Variants in EHBP1 observed in about 807,000 individuals in gnomAD.
The protein encoded by EHBP1 is EH domain-binding protein 1.
A neutral mutation model predicts 144.0 loss-of-function variants in EHBP1; 55 were observed. The observed-to-expected ratio is 0.38, with a 90% CI of 0.31 to 0.48. The LOEUF (loss-of-function observed/expected upper bound fraction) is 0.48. Among genes scored for constraint, EHBP1 ranks in the 20% least tolerant of loss-of-function variants. EHBP1 has a pLI of 0.98. For missense variants in EHBP1, 1,200 were observed against 1,364.2 expected (o/e 0.88, Z 1.90); for synonymous variants, 469 against 472.7 (o/e 0.99, Z 0.10).
chr2:63,021,627 A>G (rs940567807), intron 19 of EHBP1, among the ~76,000 whole-genome samples: 3 of 152,204 alleles, frequency 2.0e-5, no homozygotes, highest in Non-Finnish European at 2.9e-5. Flanking sequence ...CCAACATTTC[A>G]TAATTTGTTT....
chr2:62,766,709 A>C (rs1271070180), intron 4 of EHBP1, among the ~76,000 whole-genome samples: 1 of 152,152 alleles, frequency 6.6e-6, no homozygotes, highest in Non-Finnish European at 1.5e-5. Flanking sequence ...AATCCCACCC[A>C]GCCCAGATGT....
intron 1 of EHBP1, among the ~76,000 whole-genome samples, chr2:62,688,026 A>G (rs2033776289): frequency 6.6e-6 from 1 of 152,224 alleles, no homozygotes; most frequent in South Asian, 2.1e-4. Context: ...ATTATTCCTC[A>G]GCTTTCTTTC....
intron 5 of EHBP1, among the ~76,000 whole-genome samples, chr2:62,802,243 G>A (rs374767837): frequency 1.3e-5 from 2 of 152,136 alleles, no homozygotes; most frequent in South Asian, 2.1e-4. Flanking sequence ...TTTTTTCCCC[G>A]GGGGAATATT....
At chr2:62,875,063 AC>A (rs1038465327) in intron 10 of EHBP1, among the ~76,000 whole-genome samples, 2 of 151,660 alleles carry the variant, frequency 1.3e-5, no homozygotes, top group Non-Finnish European at 2.9e-5. Flanking sequence ...AGACCCTGCC[AC>A]CCTGCCCCTG....
rs910115348 is a variant in EHBP1, at chr2:62,712,729, T to C, written c.104+5434T>C. On this transcript the variant is annotated intron_variant, in intron 2 of 22. Transcript: ENST00000431489. ...AGTGAAAGCATGAAAAGGATAATGATTGAAAGATTTTAAAGAGGTTGAAGA... is the reference window on the plus strand; with the variant it reads ...AGTGAAAGCATGAAAAGGATAATGACTGAAAGATTTTAAAGAGGTTGAAGA... Among the ~76,000 whole-genome samples, 12 of 152,058 alleles carry C rather than the reference T, an allele frequency of 7.9e-5. 1 individual carries two copies. The highest frequency in any genetic ancestry group is 1.2e-4 in the Non-Finnish European group (8 of 68,018).
intron 1 of EHBP1, among the ~76,000 whole-genome samples, chr2:62,677,535 T>G (rs1383545271): frequency 6.6e-6 from 1 of 152,182 alleles, no homozygotes; most frequent in East Asian, 1.9e-4. Context: ...AAATGTACAG[T>G]TATTTTTTAC....
At chr2:62,977,400 C>T (rs536375999) in intron 14 of EHBP1, among the ~76,000 whole-genome samples, 24 of 152,194 alleles carry the variant, frequency 1.6e-4, no homozygotes, top group African/African-American at 5.8e-4. Flanking sequence ...TTCCTACCTC[C>T]TTGTCTCTCT....
intron 10 of EHBP1, among the ~76,000 whole-genome samples, chr2:62,940,789 T>C (rs1226562206): frequency 6.6e-6 from 1 of 152,194 alleles, no homozygotes; most frequent in Non-Finnish European, 1.5e-5. Flanking sequence ...CATCCCTTAA[T>C]ACAAGGCTTT....
chr2:62,908,322 AT>A (rs1022935067), intron 10 of EHBP1, among the ~76,000 whole-genome samples: 12 of 152,132 alleles, frequency 7.9e-5, no homozygotes, highest in African/African-American at 2.4e-4. Context: ...GATATTAGTA[AT>A]TTGTGTTTTC....
intron 10 of EHBP1, among the ~76,000 whole-genome samples, chr2:62,940,881 T>G (rs2056715551): frequency 6.6e-6 from 1 of 152,220 alleles, no homozygotes; most frequent in Admixed American, 6.5e-5. Context: ...GGTACAGTCA[T>G]AATCATAATG....
chr2:62,759,999 C>T (rs566797231), intron 3 of EHBP1, among the ~76,000 whole-genome samples: 16 of 152,052 alleles, frequency 1.1e-4, no homozygotes, highest in Non-Finnish European at 1.5e-4. Flanking sequence ...TAGGTATATA[C>T]GGGGGATTGG....
chr2:62,722,862 T>G (rs2036371239), intron 2 of EHBP1, among the ~76,000 whole-genome samples: 3 of 152,242 alleles, frequency 2.0e-5, no homozygotes, highest in Admixed American at 2.0e-4. Context: ...TGTGCTGTGG[T>G]TCAAGAGAGC....
upstream of EHBP1, among the ~76,000 whole-genome samples, chr2:62,703,337 C>T (rs1262666047): frequency 1.3e-5 from 2 of 151,562 alleles, no homozygotes; most frequent in Non-Finnish European, 2.9e-5. Flanking sequence ...AGAGAAACCC[C>T]GTCTCAAGAA....
At chr2:62,687,689 T>G (rs1244116370) in intron 1 of EHBP1, among the ~76,000 whole-genome samples, 2 of 152,192 alleles carry the variant, frequency 1.3e-5, no homozygotes, top group East Asian at 3.8e-4. Context: ...AGTCCAGCTA[T>G]GTTCTATGAA....
At chr2:62,722,152 C>CA (rs1349517853) in intron 2 of EHBP1, among the ~76,000 whole-genome samples, 3 of 150,968 alleles carry the variant, frequency 2.0e-5, no homozygotes, top group Non-Finnish European at 4.4e-5. Context: ...TTTTTTGAGA[C>CA]AGAGTCTCAC....
intron 14 of EHBP1, among the ~76,000 whole-genome samples, chr2:62,967,717 A>C (rs1290637689): frequency 1.3e-5 from 2 of 152,174 alleles, no homozygotes; most frequent in Non-Finnish European, 2.9e-5. Context: ...GACAATGTAT[A>C]GGTATTTTCT....
At position 62,835,167 on chromosome 2, in the gene EHBP1, T is replaced by A. The variant is rs1284938021; in HGVS notation, c.634+4009T>A. ...TCACTTGATTTTTAACCTATCTGTG[T>A]TATTTTAAGTGCTTCTTTTATATAC... On this transcript the variant is annotated intron_variant, in intron 7 of 22. Coordinates refer to ENST00000431489, the MANE Select transcript of EHBP1 (RefSeq NM_001142616.3). Among the ~76,000 whole-genome samples the A allele has an allele frequency of 2.0e-5, 3 of 152,178 alleles. No homozygotes were observed. In the East Asian group the frequency reaches 5.8e-4, roughly 29 times the overall value.
intron 7 of EHBP1, among the ~76,000 whole-genome samples, chr2:62,855,256 G>A (rs768399333): frequency 2.0e-5 from 3 of 152,164 alleles, no homozygotes; most frequent in Non-Finnish European, 4.4e-5. Flanking sequence ...GTCACAGCCC[G>A]GCCAGGTGTG....
In EHBP1 at chr2:63,019,771, G is replaced by C. The variant is rs556431850; in HGVS notation, c.3104-17764G>C. 1.4e-3 allele frequency among the ~76,000 whole-genome samples: 199 copies of C among 138,588 alleles called. 1 individual carries two copies. The highest frequency in any genetic ancestry group is 5.1e-3 in the African/African-American group (191 of 37,398). The allele number at this position is 138,588 out of a possible 152,430, so 90.9% of individuals were successfully genotyped here. ...GAGGGAAGAGGAGGGGAGGGGAGAG[G>C]AGGGGAGGAGAAGGGAAAGGGGGAG... On this transcript the variant is annotated intron_variant, in intron 19 of 22. Transcript: ENST00000431489.
Sources: allele counts gnomAD v4.1 joint callset (sites outside exome capture counted in the v4.1 genomes callset), GRCh38; gene constraint gnomAD v4.1.1; transcripts MANE v1.5; gene names NCBI Gene and HGNC (gene_info 2026-07-23, HGNC 2026-07-21).